The following ARRB1 variants were observed in gnomAD, a reference collection of about 807,000 sequenced individuals.
ARRB1 encodes beta-arrestin-1.
In ARRB1, 21 loss-of-function variants were observed where a neutral mutation model predicts 56.8. The observed-to-expected ratio is 0.37, with a 90% CI of 0.26 to 0.53. ARRB1 has a LOEUF of 0.53. ARRB1 is among the 20% of genes least tolerant of loss of function. The pLI is 0.88. For missense variants in ARRB1, 424 were observed against 553.7 expected, an observed-to-expected ratio of 0.77 and a Z score of 2.35; for synonymous variants, 210 against 218.6, an observed-to-expected ratio of 0.96 and a Z score of 0.35.
chr11:75,336,067 C>T (rs1424188471), intron 1 of ARRB1, among the ~76,000 whole-genome samples: 1 of 152,174 alleles, frequency 6.6e-6, no homozygotes, highest in Non-Finnish European at 1.5e-5. Flanking sequence ...TCTCCCATCT[C>T]GCAGCCCGTG....
At chr11:75,315,979 G>A (rs566658403) in intron 1 of ARRB1, among the ~76,000 whole-genome samples, 1 of 152,286 alleles carries the variant, frequency 6.6e-6, no homozygotes, top group Non-Finnish European at 1.5e-5. Context: ...AAACAGGGAG[G>A]ACACCTGGAG....
chr11:75,279,093 T>G (rs889814216), intron 7 of ARRB1, among the ~76,000 whole-genome samples: 11 of 152,242 alleles, frequency 7.2e-5, no homozygotes, highest in African/African-American at 2.7e-4. Flanking sequence ...ATAGTGTCCC[T>G]CTGTCATCTA....
rs185603309 is a variant in ARRB1, at chr11:75,296,066, A to C, written c.21-6027T>G. On this transcript the variant is annotated intron_variant, in intron 1 of 15. Coordinates refer to ENST00000420843, the MANE Select transcript of ARRB1 (RefSeq NM_004041.5). ...CCAGGTGTGGTGGCACATGCCTGTA[A>C]TCCCAGCTACTCAGGAGGCTGAGGC... is the stretch of plus-strand genomic sequence containing the variant. Among the ~76,000 whole-genome samples, 60 of 151,782 alleles carry C rather than the reference A, an allele frequency of 4.0e-4. 1 individual carries two copies. Among genetic ancestry groups the C allele is most frequent in the African/African-American group, 1.3e-3 (54 of 41,392 alleles).
At chr11:75,287,966 G>A (rs770533177) in intron 2 of ARRB1, among the ~76,000 whole-genome samples, 2 of 152,030 alleles carry the variant, frequency 1.3e-5, no homozygotes, top group Non-Finnish European at 2.9e-5. Flanking sequence ...AGGTTCAGGC[G>A]ATTCTCCTGC....
At chr11:75,342,941 C>T (rs184375379) in intron 1 of ARRB1, among the ~76,000 whole-genome samples, 9 of 152,288 alleles carry the variant, frequency 5.9e-5, no homozygotes, top group African/African-American at 2.2e-4. Flanking sequence ...TAATCTAATT[C>T]CTATGGCTCT....
chr11:75,339,892 T>C (rs926176180), intron 1 of ARRB1, among the ~76,000 whole-genome samples: 2 of 152,114 alleles, frequency 1.3e-5, no homozygotes, highest in African/African-American at 4.8e-5. Flanking sequence ...CCCTGAAAAC[T>C]CCTAGCCCGA....
intron 1 of ARRB1, among the ~76,000 whole-genome samples, chr11:75,333,700 A>G (rs1428961261): frequency 6.6e-6 from 1 of 152,202 alleles, no homozygotes; most frequent in African/African-American, 2.4e-5. Flanking sequence ...AGGTTCAGAA[A>G]GATTATGTAA....
At chr11:75,302,843 C>A (rs1946936397) in intron 1 of ARRB1, among the ~76,000 whole-genome samples, 2 of 152,056 alleles carry the variant, frequency 1.3e-5, no homozygotes, top group African/African-American at 4.8e-5. Flanking sequence ...AGGGAGAGTT[C>A]TCCCCCAAGT....
chr11:75,336,868 G>C (rs1947612930), intron 1 of ARRB1, among the ~76,000 whole-genome samples: 1 of 152,182 alleles, frequency 6.6e-6, no homozygotes, highest in African/African-American at 2.4e-5. Context: ...AAGAAAACTA[G>C]GGCTCAGAAA....
chr11:75,316,978 A>AT (rs1328498963), intron 1 of ARRB1, among the ~76,000 whole-genome samples: 1 of 152,162 alleles, frequency 6.6e-6, no homozygotes, highest in Non-Finnish European at 1.5e-5. Flanking sequence ...AGGCAGAAGA[A>AT]TCGTTTGAAC....
chr11:75,320,631 C>CTCCCACTCAAGTACCCAACTT (rs1947333654), intron 1 of ARRB1, among the ~76,000 whole-genome samples: 1 of 152,184 alleles, frequency 6.6e-6, no homozygotes, highest in Admixed American at 6.5e-5. Flanking sequence ...ATGGTAACTC[C>CTCCCACTCAAGTACCCAACTT]GATTCCTCCT....
chr11:75,308,048 G>T (rs1172982105), intron 1 of ARRB1, among the ~76,000 whole-genome samples: 2 of 152,234 alleles, frequency 1.3e-5, no homozygotes, highest in Non-Finnish European at 2.9e-5. Context: ...CAGGGACAGG[G>T]GATAGCAGGC....
In ARRB1 at chr11:75,282,019, G is replaced by A. The variant is rs752632582; in HGVS notation, c.357C>T (p.Ile119=). ...TCACAGAACATGGAAGGTTTGGAGG[G>A]ATCTGTCAAGAAGAGGACAGAACGA... ...GEHAYPFTFE[I]PPNLPCSVTL... The change falls in exon 6 of 16, where the codon ATC becomes ATT. Residue 119 remains isoleucine (I), a splice_region_variant and synonymous_variant. Transcript: ENST00000420843. 1 of 1,614,070 alleles carries A rather than the reference G, an allele frequency of 6.2e-7. No homozygotes were observed. Among genetic ancestry groups the A allele is most frequent in the Admixed American group, 1.7e-5 (1 of 60,016 alleles).
chr11:75,276,861 G>A lies in ARRB1; in HGVS notation c.754C>T (p.Pro252Ser). The A allele has an allele frequency of 1.2e-6, 2 of 1,614,112 alleles. No individual in the cohort carries two copies. The highest frequency in any genetic ancestry group is 1.3e-5 in the African/African-American group (1 of 75,052). Residue 252 changes from proline to serine, a missense_variant, in exon 10 of 16, where the codon CCT becomes TCT. By Grantham distance (74) the Pro-to-Ser change is moderately conservative. Around this residue, in one of 3 missense-constraint regions of ARRB1, gnomAD observed 301 missense variants for 387.9 expected, o/e 0.78. Transcript: ENST00000420843. ...TACTCAGCCTCTTCCATGGCAACAG[G>A]GCACTTGTACTGAGCTGTGTTGAAA... ...CLFNTAQYKC[P>S]VAMEEADDTV...
rs1945897556 is a variant in ARRB1 at position 75,265,982 on chromosome 11, G to A, written c.*181C>T. On this transcript the variant is annotated 3_prime_UTR_variant, in exon 16 of 16. Transcript: ENST00000420843. ...GCCAGTGCGCTGTGGTCCTGTTGGCGTGGTGATGTGGGGCCAATCCTGAGG... is the reference window on the plus strand; with the variant it reads ...GCCAGTGCGCTGTGGTCCTGTTGGCATGGTGATGTGGGGCCAATCCTGAGG... 1.2e-5 allele frequency: 7 copies of A among 603,048 alleles called. No homozygotes were observed. Among genetic ancestry groups the A allele is most frequent in the East Asian group, 5.6e-5 (2 of 35,894 alleles). The allele number at this position is 603,048 out of a possible 1,614,324, so 37.4% of individuals were successfully genotyped here.
intron 1 of ARRB1, among the ~76,000 whole-genome samples, chr11:75,340,635 C>T (rs531041776): frequency 6.6e-6 from 1 of 152,322 alleles, no homozygotes; most frequent in Admixed American, 6.5e-5. Context: ...TTTCCAAGTG[C>T]CTGAGCTCCA....
chr11:75,280,150 G>A (rs1009218019), intron 7 of ARRB1, among the ~76,000 whole-genome samples: 6 of 152,104 alleles, frequency 3.9e-5, no homozygotes, highest in Non-Finnish European at 5.9e-5. Flanking sequence ...GGTGGCTCTC[G>A]ATGTCACCTC....
At chr11:75,314,689 C>T (rs1427197219) in intron 1 of ARRB1, among the ~76,000 whole-genome samples, 1 of 152,138 alleles carries the variant, frequency 6.6e-6, no homozygotes, top group East Asian at 1.9e-4. Context: ...CAGCCTTGAC[C>T]TCCCCAGGCT....
intron 1 of ARRB1, among the ~76,000 whole-genome samples, chr11:75,293,669 G>T (rs1037106325): frequency 3.3e-5 from 5 of 152,164 alleles, no homozygotes; most frequent in Admixed American, 6.5e-5. Flanking sequence ...GCTGATTAAG[G>T]CTCAGTGGAG....
Sources: allele counts gnomAD v4.1 joint callset (sites outside exome capture counted in the v4.1 genomes callset), GRCh38; gene constraint gnomAD v4.1.1; regional missense constraint gnomAD v4.1.1; transcripts MANE v1.5; gene names NCBI Gene and HGNC (gene_info 2026-07-23, HGNC 2026-07-21).